FGL1: variants seen among roughly 807,000 people sequenced by gnomAD.
The protein encoded by FGL1 is fibrinogen like 1.
FGL1 carries 59 observed loss-of-function variants against 43.7 expected under a neutral mutation model. That is an observed-to-expected ratio of 1.35 (90% CI 1.10 to 1.68). FGL1 has a LOEUF of 1.68. Among genes scored for constraint, FGL1 ranks in the 40% most tolerant of loss-of-function variants. The pLI, the probability that FGL1 is intolerant of heterozygous loss-of-function variation, is 0.00. For synonymous variants in FGL1, 192 were observed against 126.5 expected (o/e 1.52, Z -3.48); for missense variants, 596 against 373.0 (o/e 1.60, Z -4.92).
intron 2 of FGL1, among the ~76,000 whole-genome samples, chr8:17,883,167 A>G (rs1420959281): frequency 1.0e-5 from 1 of 95,924 alleles, no homozygotes; most frequent in African/African-American, 4.5e-5. Flanking sequence ...ATAATATATT[A>G]AATAATATAT....
At chr8:17,867,184 G>C (rs10093134) in intron 7 of FGL1, among the ~76,000 whole-genome samples, 1 of 152,018 alleles carries the variant, frequency 6.6e-6, no homozygotes. Flanking sequence ...TGAAACTACA[G>C]ATAATACCAA....
At chr8:17,891,353 T>C (rs2053702390) in intron 1 of FGL1, 1 of 152,152 alleles carries the variant, frequency 6.6e-6, no homozygotes, top group African/African-American at 2.4e-5. Context: ...TAGCATTTGG[T>C]GGTTGCCAGC....
At position 17,869,697 on chromosome 8, in the gene FGL1, G is replaced by A. The variant is rs142806895; in HGVS notation, c.503-693C>T. On this transcript the variant is annotated intron_variant, in intron 5 of 7. Coordinates refer to ENST00000427924, the MANE Select transcript of FGL1 (RefSeq NM_004467.4). ...TAAGGAAACATTCTGGAGAAATGCT[G>A]TACCACCAACATTCTCAATGGCAGA... Among the ~76,000 whole-genome samples, 97 of 152,304 alleles carry A rather than the reference G, an allele frequency of 6.4e-4. No homozygotes were observed. The East Asian group carries it at 0.017, about 27-fold the overall frequency.
intron 7 of FGL1, 115 bp downstream of exon 7, chr8:17,868,433 T>G (rs2053303373): frequency 2.6e-6 from 2 of 769,720 alleles, no homozygotes; most frequent in African/African-American, 1.8e-5. Flanking sequence ...GATTACTTAA[T>G]AATACTAATA....
Position 17,868,693 on chromosome 8 carries a change from C to T in FGL1, c.634G>A (p.Gly212Arg), listed in dbSNP as rs199506227. ...TGAAAATTCCCCGCAAGGGAATCTCCAGCTGTTCCAGAATATTCCCCAATA... is the reference window on the plus strand; with the variant it reads ...TGAAAATTCCCCGCAAGGGAATCTCTAGCTGTTCCAGAATATTCCCCAATA... ...LNIGEYSGTAGDSLAGNFHPE... is the reference protein window; with the variant it reads ...LNIGEYSGTARDSLAGNFHPE... The change falls in exon 7 of 8, where the codon GGA (glycine) becomes AGA (arginine). Residue 212 changes from glycine (G) to arginine (R), a missense_variant. Gly to Arg is a moderately radical substitution (Grantham distance 125, BLOSUM62 -2). Coordinates refer to ENST00000427924, the MANE Select transcript of FGL1 (RefSeq NM_004467.4). 731 of 1,613,574 alleles carry T rather than the reference C, an allele frequency of 4.5e-4. No individual in the cohort carries two copies. The highest frequency in any genetic ancestry group is 5.5e-4 in the Non-Finnish European group (646 of 1,179,886).
intron 1 of FGL1, among the ~76,000 whole-genome samples, chr8:17,887,598 C>G (rs1291102258): frequency 6.6e-6 from 1 of 152,074 alleles, no homozygotes; most frequent in Non-Finnish European, 1.5e-5. Flanking sequence ...ACCTGTAATC[C>G]CAGCACTTCG....
chr8:17,876,870 G>A (rs919649489), intron 3 of FGL1, among the ~76,000 whole-genome samples: 10 of 152,144 alleles, frequency 6.6e-5, no homozygotes, highest in African/African-American at 2.2e-4. Context: ...CTGCGAGTTT[G>A]TTATTTCTTT....
At chr8:17,877,842 G>A (rs1307614549) in intron 3 of FGL1, among the ~76,000 whole-genome samples, 2 of 152,170 alleles carry the variant, frequency 1.3e-5, no homozygotes, top group African/African-American at 4.8e-5. Context: ...CGATACTCTT[G>A]TAGGGTAGAG....
intron 1 of FGL1, among the ~76,000 whole-genome samples, chr8:17,889,075 T>A (rs1418584724): frequency 1.3e-5 from 2 of 152,190 alleles, no homozygotes; most frequent in African/African-American, 4.8e-5. Flanking sequence ...TGGGGCATTA[T>A]ATAAAAATGA....
chr8:17,895,469 G>C lies in FGL1; in HGVS notation c.-40C>G. On this transcript the variant is annotated 5_prime_UTR_variant, in exon 1 of 8. Transcript: ENST00000427924. Reference sequence around the variant, plus strand: ...TGCCTAAAGTCAGAAGTGAGTCAGAGACCCAGCTCAGGTTCCATCCAGACA... The same window carrying C: ...TGCCTAAAGTCAGAAGTGAGTCAGACACCCAGCTCAGGTTCCATCCAGACA... 1.6e-6 allele frequency: 2 copies of C among 1,282,698 alleles called. No individual in the cohort carries two copies. Among genetic ancestry groups the C allele is most frequent in the South Asian group, 1.2e-5 (1 of 80,682 alleles). The allele number at this position is 1,282,698 out of a possible 1,614,324, so 79.5% of individuals were successfully genotyped here. A position where few individuals can be genotyped will look rare whatever the true frequency, so the allele number is the denominator to read the frequency against.
chr8:17,874,422 G>C lies in FGL1; in HGVS notation c.344C>G (p.Ser115Cys), dbSNP rs746701480. Reference sequence around the variant, plus strand: ...AATTACAGTCCATCCTCCTCCATCGGACATGTCACAATAAACAGAAAATTC... The same window carrying C: ...AATTACAGTCCATCCTCCTCCATCGCACATGTCACAATAAACAGAAAATTC... ...PAEFSVYCDM[S>C]DGGGWTVIQR... The change falls in exon 4 of 8, where the codon TCC becomes TGC. Residue 115 changes from serine (S) to cysteine (C), a missense_variant. Transcript: ENST00000427924. The C allele has an allele frequency of 1.2e-5, 19 of 1,613,930 alleles. No homozygotes were observed. The highest frequency in any genetic ancestry group is 5.3e-5 in the African/African-American group (4 of 74,908).
chr8:17,883,459 A>T (rs1254991232), intron 2 of FGL1, among the ~76,000 whole-genome samples: 6 of 125,982 alleles, frequency 4.8e-5, no homozygotes, highest in Non-Finnish European at 9.3e-5. Flanking sequence ...AATAGATATT[A>T]TATAATATAT....
chr8:17,886,420 A>G (rs2053628927), intron 1 of FGL1, among the ~76,000 whole-genome samples: 1 of 151,990 alleles, frequency 6.6e-6, no homozygotes, highest in African/African-American at 2.4e-5. Flanking sequence ...AGAAAGGGAA[A>G]GAACAGCTAG....
rs773558716 is a variant in FGL1, at chr8:17,882,102, T to C, written c.141A>G (p.Gln47=). 4.3e-6 allele frequency: 7 copies of C among 1,613,984 alleles called. No homozygotes were observed. The highest frequency in any genetic ancestry group is 2.2e-5 in the East Asian group (1 of 44,874). The change falls in exon 3 of 8, where the codon CAA becomes CAG. Residue 47 remains glutamine (Q), a synonymous_variant. Coordinates refer to ENST00000427924, the MANE Select transcript of FGL1 (RefSeq NM_004467.4). Reference sequence around the variant, plus strand: ...GCAAAAGCTGCTTGATCTTGACCTGTTGCTGTTTGACCCGGGTCTCAAGCA... The same window carrying C: ...GCAAAAGCTGCTTGATCTTGACCTGCTGCTGTTTGACCCGGGTCTCAAGCA... ...VRLLETRVKQ[Q]QVKIKQLLQE... is the part of the protein sequence containing the mutation.
At position 17,870,106 on chromosome 8, in the gene FGL1, T is replaced by G. The variant is rs546044226; in HGVS notation, c.503-1102A>C. Among the ~76,000 whole-genome samples the G allele has an allele frequency of 1.8e-4, 27 of 152,102 alleles. 1 individual carries two copies. In the South Asian group the frequency reaches 5.4e-3, roughly 30 times the overall value. ...GCCTGGGCGACAGAGCGAGACTCCGTCGCAAAAAACAACAAAAAAACAAAA... is the reference window on the plus strand; with the variant it reads ...GCCTGGGCGACAGAGCGAGACTCCGGCGCAAAAAACAACAAAAAAACAAAA... On this transcript the variant is annotated intron_variant, in intron 5 of 7. Transcript: ENST00000427924.
At chr8:17,875,815 C>G (rs1405170921) in intron 3 of FGL1, among the ~76,000 whole-genome samples, 1 of 151,996 alleles carries the variant, frequency 6.6e-6, no homozygotes, top group East Asian at 1.9e-4. Flanking sequence ...CCATGTTGGC[C>G]AGACTGGTCT....
chr8:17,883,901 CT>C (rs1463130959), intron 2 of FGL1, among the ~76,000 whole-genome samples: 1 of 147,602 alleles, frequency 6.8e-6, no homozygotes. Context: ...TTTTTCTTTT[CT>C]TTTGTTCTTT....
At chr8:17,874,923 A>AGTTACCACGCCTG (rs1554564270) in intron 3 of FGL1, among the ~76,000 whole-genome samples, 1 of 151,590 alleles carries the variant, frequency 6.6e-6, no homozygotes, top group Admixed American at 6.6e-5. Context: ...TACAGGTGTG[A>AGTTACCACGCCTG]GCTTAGTTTC....
intron 1 of FGL1, among the ~76,000 whole-genome samples, chr8:17,890,846 T>A (rs35067151): frequency 0.016 from 2,432 of 152,104 alleles, 62 homozygotes; most frequent in African/African-American, 0.055. Flanking sequence ...GAGAACTCAC[T>A]ATCACGAAAA....
Sources: gnomAD v4.1 joint callset for allele counts (sites outside exome capture counted in the v4.1 genomes callset) on GRCh38, gnomAD v4.1.1 for gene constraint, MANE v1.5 for transcripts, NCBI Gene and HGNC (gene_info 2026-07-23, HGNC 2026-07-21) for gene names.